The following SASH1 variants were observed in gnomAD, a reference collection of about 807,000 sequenced individuals.
SASH1 encodes the protein SAM and SH3 domain containing 1, also known as SAM and SH3 domain-containing protein 1.
Under a neutral mutation model 125.2 loss-of-function variants are expected in SASH1, and 44 were observed. The observed-to-expected ratio is 0.35, with a 90% CI of 0.28 to 0.45. The LOEUF (loss-of-function observed/expected upper bound fraction) is 0.45, where lower values mean the gene tolerates loss of function less well. SASH1 is among the 20% of genes least tolerant of loss of function. The pLI is 1.00. For missense variants in SASH1, 1,426 were observed against 1,614.5 expected (o/e 0.88, Z 2.00); for synonymous variants, 639 against 649.1 (o/e 0.98, Z 0.24).
intron 7 of SASH1, among the ~76,000 whole-genome samples, chr6:148,477,817 C>A (rs1778436830): frequency 1.3e-5 from 2 of 151,542 alleles, no homozygotes; most frequent in African/African-American, 4.9e-5. Flanking sequence ...CCTGCCTCAG[C>A]CTCCCGAGAA....
chr6:148,394,184 C>G (rs182020840), intron 2 of SASH1, among the ~76,000 whole-genome samples: 11 of 152,122 alleles, frequency 7.2e-5, no homozygotes, highest in South Asian at 4.2e-4. Flanking sequence ...TGAGTCACTG[C>G]GCTCAGCCTT....
intron 4 of SASH1, among the ~76,000 whole-genome samples, chr6:148,463,248 G>A (rs1777697031): frequency 6.6e-6 from 1 of 151,796 alleles, no homozygotes; most frequent in Non-Finnish European, 1.5e-5. Flanking sequence ...GGGTTCAAGT[G>A]ATTCTCCTGC....
intron 16 of SASH1, among the ~76,000 whole-genome samples, chr6:148,538,188 T>C (rs1459526749): frequency 6.6e-6 from 1 of 152,162 alleles, no homozygotes; most frequent in East Asian, 1.9e-4. Context: ...TTTCAGGTAT[T>C]CTGCTGTGTC....
At chr6:148,349,920 G>C (rs1376193118) in intron 1 of SASH1, among the ~76,000 whole-genome samples, 1 of 150,410 alleles carries the variant, frequency 6.6e-6, no homozygotes, top group Non-Finnish European at 1.5e-5. Flanking sequence ...ATCTCGACTC[G>C]CTGCAAGCTC....
At chr6:148,350,929 T>C (rs1562342163) in intron 1 of SASH1, among the ~76,000 whole-genome samples, 1 of 152,342 alleles carries the variant, frequency 6.6e-6, no homozygotes, top group South Asian at 2.1e-4. Flanking sequence ...AAATGGTAGG[T>C]CTCTTCCTCA....
At chr6:148,390,351 C>G in intron 2 of SASH1, 89 bp downstream of exon 2, 1 of 1,301,974 alleles carries the variant, frequency 7.7e-7, no homozygotes, top group Non-Finnish European at 1.1e-6. Flanking sequence ...GCTAGCTCTT[C>G]CTGGGGTATC....
intron 2 of SASH1, among the ~76,000 whole-genome samples, chr6:148,422,081 G>A (rs1419013318): frequency 6.6e-6 from 1 of 152,160 alleles, no homozygotes; most frequent in Non-Finnish European, 1.5e-5. Flanking sequence ...AGGAAGGGTT[G>A]GCTTTTCAAC....
Position 148,548,744 on chromosome 6 carries a change from G to A in SASH1, c.*186G>A. 1.8e-6 allele frequency: 1 copy of A among 569,306 alleles called. No homozygotes were observed. Among genetic ancestry groups the A allele is most frequent in the East Asian group, 3.0e-5 (1 of 33,220 alleles). 35.3% of individuals were successfully genotyped at this position (569,306 alleles called of 1,614,324 possible). On this transcript the variant is annotated 3_prime_UTR_variant, in exon 20 of 20. Coordinates refer to ENST00000367467, the MANE Select transcript of SASH1 (RefSeq NM_015278.5). ...CTCTCCTCCAGAAAAGCCCCCTCGA[G>A]GAAATAAATTAGTGCGGTTCTCTTT...
At chr6:148,261,096 C>T in the SASH1 span, among the ~76,000 whole-genome samples, 12 of 152,078 alleles carry the variant, frequency 7.9e-5, no homozygotes, top group African/African-American at 1.9e-4. Context: ...TGAGCCACTG[C>T]GCCCGGCATA....
At chr6:148,528,407 A>G (rs572103441) in intron 12 of SASH1, among the ~76,000 whole-genome samples, 2 of 152,242 alleles carry the variant, frequency 1.3e-5, no homozygotes, top group African/African-American at 4.8e-5. Context: ...CACTTTATCT[A>G]CCAAATAAAA....
intron 2 of SASH1, among the ~76,000 whole-genome samples, chr6:148,429,794 A>G (rs769323106): frequency 1.3e-5 from 2 of 152,142 alleles, no homozygotes; most frequent in Non-Finnish European, 2.9e-5. Flanking sequence ...ATAGATTCCC[A>G]GTAGTACTCC....
intron 1 of SASH1, among the ~76,000 whole-genome samples, chr6:148,285,747 T>G (rs1274260943): frequency 6.6e-6 from 1 of 152,168 alleles, no homozygotes; most frequent in Admixed American, 6.5e-5. Context: ...CTGGACTTAT[T>G]TCACTATGTT....
intron 15 of SASH1, among the ~76,000 whole-genome samples, 177 bp from the exon 16 acceptor site, chr6:148,534,574 C>T (rs976593846): frequency 4.1e-4 from 63 of 152,172 alleles, no homozygotes; most frequent in African/African-American, 1.4e-3. Context: ...ACCCTGCTTG[C>T]CTACTAAGCC....
At chr6:148,536,145 G>A (rs1331167156) in intron 16 of SASH1, among the ~76,000 whole-genome samples, 2 of 152,120 alleles carry the variant, frequency 1.3e-5, no homozygotes, top group Admixed American at 1.3e-4. Context: ...GTATTTGATT[G>A]CCCAAGAGAC....
At chr6:148,506,061 G>A (rs1044221121) in intron 8 of SASH1, among the ~76,000 whole-genome samples, 2 of 151,706 alleles carry the variant, frequency 1.3e-5, no homozygotes, top group Non-Finnish European at 2.9e-5. Context: ...GAGCCACCAC[G>A]CCCGGCCTGG....
At chr6:148,433,839 A>G (rs1583152440) in intron 2 of SASH1, among the ~76,000 whole-genome samples, 1 of 151,998 alleles carries the variant, frequency 6.6e-6, no homozygotes, top group Non-Finnish European at 1.5e-5. Flanking sequence ...GGGGACTTTT[A>G]TTAAGTTTTA....
At chr6:148,410,961 A>G (rs1784599432) in intron 2 of SASH1, among the ~76,000 whole-genome samples, 1 of 152,094 alleles carries the variant, frequency 6.6e-6, no homozygotes. Context: ...GGAGTTCGAG[A>G]CCAGCCTGAC....
the SASH1 span, among the ~76,000 whole-genome samples, chr6:148,195,595 C>T: frequency 1.3e-3 from 196 of 152,332 alleles, 1 homozygote; most frequent in African/African-American, 4.5e-3. Flanking sequence ...TCTTTCACCC[C>T]GGCTCCAGCA....
chr6:148,472,823 C>G (rs1438405595), intron 6 of SASH1, among the ~76,000 whole-genome samples: 1 of 152,188 alleles, frequency 6.6e-6, no homozygotes, highest in Non-Finnish European at 1.5e-5. Flanking sequence ...TTCCCTCTGT[C>G]TCTTACACCA....
Sources: gnomAD v4.1 joint callset for allele counts (sites outside exome capture counted in the v4.1 genomes callset) on GRCh38, gnomAD v4.1.1 for gene constraint, MANE v1.5 for transcripts, NCBI Gene and HGNC (gene_info 2026-07-23, HGNC 2026-07-21) for gene names.